Variants in DOCK2 observed in about 807,000 individuals in gnomAD.
DOCK2 encodes the protein dedicator of cytokinesis protein 2.
Under a neutral mutation model 248.9 loss-of-function variants are expected in DOCK2, and 87 were observed. That is an observed-to-expected ratio of 0.35 (90% CI 0.29 to 0.42). DOCK2 has a LOEUF of 0.42. Ranked by LOEUF, DOCK2 falls within the 10% of genes least tolerant of loss-of-function variation. DOCK2 has a pLI of 1.00. For missense variants in DOCK2, 1,747 were observed against 2,300.2 expected (o/e 0.76, Z 4.92); for synonymous variants, 805 against 821.6 (o/e 0.98, Z 0.35).
chr5:169,740,129 A>G (rs781590439), intron 22 of DOCK2, among the ~76,000 whole-genome samples: 1 of 152,266 alleles, frequency 6.6e-6, no homozygotes, highest in Non-Finnish European at 1.5e-5. Flanking sequence ...GCATGGGCAC[A>G]CATCACACAC....
chr5:169,736,767 T>A (rs1182797368), intron 22 of DOCK2, among the ~76,000 whole-genome samples: 3 of 152,230 alleles, frequency 2.0e-5, no homozygotes, highest in African/African-American at 7.2e-5. Flanking sequence ...CACATACCTG[T>A]CCCATGCATA....
chr5:169,925,609 T>C (rs1415054925), intron 27 of DOCK2, among the ~76,000 whole-genome samples: 2 of 135,130 alleles, frequency 1.5e-5, no homozygotes, highest in Admixed American at 7.7e-5. Flanking sequence ...AAAAAAAGCA[T>C]TGTCCTGGGG....
intron 27 of DOCK2, chr5:169,875,187 A>C: frequency 2.2e-6 from 1 of 455,932 alleles, no homozygotes; most frequent in Non-Finnish European, 4.4e-6. Context: ...TTTTTACCTA[A>C]AAAAATCCTT....
At chr5:169,734,060 C>T (rs990533953) in intron 22 of DOCK2, among the ~76,000 whole-genome samples, 1 of 151,946 alleles carries the variant, frequency 6.6e-6, no homozygotes, top group Non-Finnish European at 1.5e-5. Flanking sequence ...CATAAATTCT[C>T]TTTCATATTT....
chr5:170,013,472 A>G (rs576909529), intron 32 of DOCK2, among the ~76,000 whole-genome samples: 14 of 152,172 alleles, frequency 9.2e-5, no homozygotes, highest in African/African-American at 2.9e-4. Context: ...CTTATAGGTG[A>G]AAAACGGAAG....
At chr5:169,948,929 A>T (rs184854695) in intron 27 of DOCK2, among the ~76,000 whole-genome samples, 19 of 151,722 alleles carry the variant, frequency 1.3e-4, no homozygotes, top group Non-Finnish European at 1.9e-4. Flanking sequence ...CAAGCATAAC[A>T]AGCATTTGTG....
At chr5:169,671,002 T>G in intron 4 of DOCK2, 76 bp from the exon 5 acceptor site, 1 of 1,300,370 alleles carries the variant, frequency 7.7e-7, no homozygotes, top group Non-Finnish European at 1.1e-6. Context: ...TGCAGCTTAA[T>G]GCAAATTTGT....
intron 32 of DOCK2, among the ~76,000 whole-genome samples, chr5:170,009,905 G>A (rs188248623): frequency 6.6e-6 from 1 of 152,340 alleles, no homozygotes; most frequent in East Asian, 1.9e-4. Flanking sequence ...GGTTCACAAA[G>A]CCCAAGGCAG....
chr5:169,907,344 T>C (rs1774339388), intron 27 of DOCK2, among the ~76,000 whole-genome samples: 1 of 152,238 alleles, frequency 6.6e-6, no homozygotes, highest in South Asian at 2.1e-4. Context: ...CATGTATTTC[T>C]AGAAGGGAGC....
intron 5 of DOCK2, among the ~76,000 whole-genome samples, chr5:169,672,334 C>T (rs1759094317): frequency 6.6e-6 from 1 of 152,142 alleles, no homozygotes; most frequent in South Asian, 2.1e-4. Context: ...ACATCACAAT[C>T]ACACGTACCA....
At chr5:169,782,940 A>G (rs189598936) in intron 25 of DOCK2, among the ~76,000 whole-genome samples, 75 of 152,368 alleles carry the variant, frequency 4.9e-4, no homozygotes, top group African/African-American at 1.8e-3. Flanking sequence ...AAAAATGTTT[A>G]TTGATTCTCT....
intron 15 of DOCK2, among the ~76,000 whole-genome samples, chr5:169,709,413 G>C (rs775819939): frequency 2.6e-5 from 4 of 152,120 alleles, no homozygotes; most frequent in Non-Finnish European, 5.9e-5. Flanking sequence ...TTAAAATAAC[G>C]TTTTAGGCCA....
chr5:169,772,412 C>T (rs1765139523), intron 25 of DOCK2, among the ~76,000 whole-genome samples: 1 of 152,170 alleles, frequency 6.6e-6, no homozygotes, highest in South Asian at 2.1e-4. Flanking sequence ...ATAATAACAG[C>T]ACTGAACTGG....
intron 26 of DOCK2, among the ~76,000 whole-genome samples, chr5:169,814,298 A>G (rs1286386559): frequency 6.6e-6 from 1 of 152,212 alleles, no homozygotes; most frequent in African/African-American, 2.4e-5. Flanking sequence ...AATCTTACCA[A>G]AAATGTACAG....
At chr5:170,076,338 A>G (rs541136475) in intron 47 of DOCK2, among the ~76,000 whole-genome samples, 3 of 152,296 alleles carry the variant, frequency 2.0e-5, no homozygotes, top group Admixed American at 2.0e-4. Context: ...GTGTAATAAT[A>G]ATGAAAGCTA....
chr5:169,884,523 A>T (rs76962632), intron 27 of DOCK2: 1 of 152,196 alleles, frequency 6.6e-6, no homozygotes, highest in African/African-American at 2.4e-5. Flanking sequence ...GTCAATCACA[A>T]ATTCCTCCTT....
At chr5:170,042,438 C>T (rs1756552039) in intron 38 of DOCK2, among the ~76,000 whole-genome samples, 1 of 152,212 alleles carries the variant, frequency 6.6e-6, no homozygotes, top group African/African-American at 2.4e-5. Context: ...ATGCCATTCC[C>T]CCACTCGCAG....
chr5:169,646,558 G>A (rs918557897), intron 1 of DOCK2, among the ~76,000 whole-genome samples: 1 of 152,192 alleles, frequency 6.6e-6, no homozygotes, highest in Non-Finnish European at 1.5e-5. Flanking sequence ...GGGCAGAGCT[G>A]TATGGAGGGT....
At chr5:169,906,137 C>T (rs937396924) in intron 27 of DOCK2, among the ~76,000 whole-genome samples, 5 of 152,180 alleles carry the variant, frequency 3.3e-5, no homozygotes, top group African/African-American at 7.2e-5. Context: ...TACATTCATT[C>T]GTGCAGTAAA....
Sources: gnomAD v4.1 joint callset for allele counts (sites outside exome capture counted in the v4.1 genomes callset) on GRCh38, gnomAD v4.1.1 for gene constraint, MANE v1.5 for transcripts, NCBI Gene and HGNC (gene_info 2026-07-23, HGNC 2026-07-21) for gene names.